The following GPHN variants were observed in gnomAD, a reference collection of about 807,000 sequenced individuals.
GPHN encodes the protein gephyrin.
In GPHN, 17 loss-of-function variants were observed where a neutral mutation model predicts 95.5. The observed-to-expected ratio is 0.18, with a 90% CI of 0.12 to 0.27. The LOEUF is 0.27. Among genes scored for constraint, GPHN ranks in the 10% least tolerant of loss-of-function variants. GPHN has a pLI of 1.00. For missense variants in GPHN, 660 were observed against 978.1 expected, an observed-to-expected ratio of 0.67 and a Z score of 4.34; for synonymous variants, 320 against 322.5, an observed-to-expected ratio of 0.99 and a Z score of 0.08.
At chr14:66,880,088 A>T in intron 5 of GPHN, 55 bp downstream of exon 5, 4 of 1,079,254 alleles carry the variant, frequency 3.7e-6, no homozygotes, top group Non-Finnish European at 5.8e-6. Context: ...TGTTTCCGTG[A>T]TATTAAAAAA....
At chr14:67,130,276 C>T (rs1392924491) in intron 17 of GPHN, among the ~76,000 whole-genome samples, 1 of 152,092 alleles carries the variant, frequency 6.6e-6, no homozygotes, top group Non-Finnish European at 1.5e-5. Flanking sequence ...TCCCTCCTTC[C>T]CTCCTCTAGT....
At chr14:66,620,773 C>T (rs536405101) in intron 1 of GPHN, among the ~76,000 whole-genome samples, 6 of 152,304 alleles carry the variant, frequency 3.9e-5, no homozygotes, top group Non-Finnish European at 8.8e-5. Context: ...CAAAAGTCCA[C>T]AGTCCAAAGT....
chr14:67,286,855 CAAAA>C, the GPHN span, among the ~76,000 whole-genome samples: 5 of 67,222 alleles, frequency 7.4e-5, no homozygotes, highest in Admixed American at 1.6e-4. Context: ...GACCTGGTCT[CAAAA>C]AAAAAAAAAA....
At chr14:66,541,714 G>T (rs1345108706) in intron 1 of GPHN, among the ~76,000 whole-genome samples, 1 of 152,230 alleles carries the variant, frequency 6.6e-6, no homozygotes, top group South Asian at 2.1e-4. Flanking sequence ...GGGAGAGGGA[G>T]GTACACGAGG....
chr14:67,395,387 A>G, the GPHN span: 1 of 1,611,352 alleles, frequency 6.2e-7, no homozygotes. Flanking sequence ...AGAGCCCGGC[A>G]AGTGGGGCAC....
At chr14:67,198,056 G>A in the GPHN span, 26 of 1,409,134 alleles carry the variant, frequency 1.8e-5, no homozygotes, top group Non-Finnish European at 2.4e-5. Flanking sequence ...AAAATTTGCT[G>A]AATTAATAAA....
chr14:66,864,723 A>C (rs1440568799), intron 4 of GPHN, among the ~76,000 whole-genome samples: 1 of 152,060 alleles, frequency 6.6e-6, no homozygotes, highest in Non-Finnish European at 1.5e-5. Flanking sequence ...CAGTGAGCCG[A>C]GACTGTGCCA....
rs564248166 is a variant in GPHN, at chr14:66,759,565, T to C, written c.144-16899T>C. ...TAAGAATAGCAACCCCTGCTCTTTT[T>C]TGTTTTCCATTTGCATAGTATTTCT... On this transcript the variant is annotated intron_variant, in intron 2 of 22. Transcript: ENST00000478722. Among the ~76,000 whole-genome samples, 5 of 152,360 alleles carry C rather than the reference T, an allele frequency of 3.3e-5. 1 individual carries two copies. The South Asian group carries it at 1.0e-3, about 32-fold the overall frequency.
intron 3 of GPHN, among the ~76,000 whole-genome samples, chr14:66,798,593 G>A (rs1334339274): frequency 6.6e-6 from 1 of 151,250 alleles, no homozygotes; most frequent in Non-Finnish European, 1.5e-5. Flanking sequence ...CAATTTATTG[G>A]GATACAGTTG....
chr14:67,704,930 A>C, the GPHN span, among the ~76,000 whole-genome samples: 1 of 152,262 alleles, frequency 6.6e-6, no homozygotes, highest in Non-Finnish European at 1.5e-5. Flanking sequence ...ATCTAAGTCC[A>C]GGAACACAAT....
At chr14:67,388,782 C>T in the GPHN span, among the ~76,000 whole-genome samples, 4 of 152,082 alleles carry the variant, frequency 2.6e-5, no homozygotes, top group Non-Finnish European at 4.4e-5. Context: ...CAGGTTCAAG[C>T]GATTCTCCTG....
the GPHN span, among the ~76,000 whole-genome samples, chr14:67,326,094 G>A: frequency 5.3e-5 from 8 of 150,220 alleles, no homozygotes; most frequent in South Asian, 1.0e-3. Context: ...CAAAGTACTG[G>A]GATTACAGGC....
the GPHN span, among the ~76,000 whole-genome samples, chr14:67,438,578 T>A: frequency 6.6e-6 from 1 of 152,084 alleles, no homozygotes; most frequent in South Asian, 2.1e-4. Flanking sequence ...AGCAAGATTA[T>A]GGCTGGGTGC....
chr14:67,407,098 G>A, the GPHN span, among the ~76,000 whole-genome samples: 1 of 152,002 alleles, frequency 6.6e-6, no homozygotes, highest in Non-Finnish European at 1.5e-5. Context: ...GAGACCCCAG[G>A]AAAAAGCCTC....
chr14:67,496,394 T>TTTTTG, the GPHN span, among the ~76,000 whole-genome samples: 2 of 71,168 alleles, frequency 2.8e-5, no homozygotes, highest in Non-Finnish European at 5.9e-5. Flanking sequence ...CTCCGGCGTT[T>TTTTTG]TTTTTTTTTT....
At chr14:67,254,393 T>G in the GPHN span, 2 of 152,154 alleles carry the variant, frequency 1.3e-5, no homozygotes, top group Non-Finnish European at 2.9e-5. Context: ...ATTTCTTGTT[T>G]ATAAGAATAT....
chr14:67,361,759 A>C, the GPHN span, among the ~76,000 whole-genome samples: 23,665 of 152,200 alleles, frequency 0.16, 3,488 homozygotes, highest in East Asian at 0.42. Context: ...TAAGAGTATT[A>C]TAGCATGTTG....
the GPHN span, among the ~76,000 whole-genome samples, chr14:67,207,654 C>T: frequency 2.0e-5 from 3 of 152,036 alleles, no homozygotes; most frequent in Non-Finnish European, 4.4e-5. Context: ...TGCCTTGAGC[C>T]CTAAGTGATT....
At chr14:67,199,041 G>A in the GPHN span, 1 of 736,720 alleles carries the variant, frequency 1.4e-6, no homozygotes, top group South Asian at 1.5e-5. Flanking sequence ...GCAAGAAGAG[G>A]ATGGCAGGAG....
Sources: allele counts gnomAD v4.1 joint callset (sites outside exome capture counted in the v4.1 genomes callset), GRCh38; gene constraint gnomAD v4.1.1; transcripts MANE v1.5; gene names NCBI Gene and HGNC (gene_info 2026-07-23, HGNC 2026-07-21).